Variants in INPP4B observed in about 807,000 individuals in gnomAD.
INPP4B encodes the protein inositol polyphosphate 4-phosphatase type II.
A neutral mutation model predicts 122.5 loss-of-function variants in INPP4B; 55 were observed. The observed-to-expected ratio is 0.45, with a 90% CI of 0.36 to 0.56. The LOEUF is 0.56. Among genes scored for constraint, INPP4B ranks in the 20% least tolerant of loss-of-function variants. The pLI is 0.00. For synonymous variants in INPP4B, 403 were observed against 388.7 expected (o/e 1.04, Z -0.43); for missense variants, 1,000 against 1,097.7 (o/e 0.91, Z 1.26).
At chr4:142,263,894 C>G (rs778458168) in intron 10 of INPP4B, among the ~76,000 whole-genome samples, 2 of 151,534 alleles carry the variant, frequency 1.3e-5, no homozygotes, top group Non-Finnish European at 2.9e-5. Context: ...GTGCAGGGGC[C>G]TTGAGTTGGC....
chr4:142,697,095 GT>G (rs1404255856), intron 2 of INPP4B, among the ~76,000 whole-genome samples: 9 of 152,242 alleles, frequency 5.9e-5, no homozygotes, highest in African/African-American at 1.9e-4. Flanking sequence ...TTATATACAT[GT>G]GATGTTGATG....
chr4:142,496,189 AT>A (rs370026113), intron 2 of INPP4B, among the ~76,000 whole-genome samples: 2 of 151,642 alleles, frequency 1.3e-5, no homozygotes, highest in South Asian at 2.1e-4. Context: ...CAAAGTATGT[AT>A]TTTTTTTCTT....
At chr4:142,696,512 G>A (rs1018380722) in intron 2 of INPP4B, among the ~76,000 whole-genome samples, 6 of 152,110 alleles carry the variant, frequency 3.9e-5, no homozygotes, top group Admixed American at 1.3e-4. Context: ...CCCCACCCCA[G>A]CCCTGACATC....
chr4:142,672,519 G>A (rs1017293677), intron 2 of INPP4B, among the ~76,000 whole-genome samples: 8 of 152,086 alleles, frequency 5.3e-5, no homozygotes, highest in Admixed American at 2.0e-4. Flanking sequence ...ATGATGTTGA[G>A]CATCTTTTCA....
At chr4:142,064,670 CT>C (rs1323065133) in intron 25 of INPP4B, among the ~76,000 whole-genome samples, 1 of 151,828 alleles carries the variant, frequency 6.6e-6, no homozygotes, top group Admixed American at 6.6e-5. Context: ...TCTAATATGT[CT>C]TTTTCTCACT....
At chr4:142,720,766 T>TATATATA (rs1560996446) in intron 2 of INPP4B, among the ~76,000 whole-genome samples, 4 of 12,108 alleles carry the variant, frequency 3.3e-4, no homozygotes, top group South Asian at 3.3e-3. Flanking sequence ...ATATAATCTC[T>TATATATA]CTCTCTCTCT....
chr4:142,623,744 G>T (rs1442059986), intron 2 of INPP4B, among the ~76,000 whole-genome samples: 4 of 123,900 alleles, frequency 3.2e-5, no homozygotes, highest in African/African-American at 1.2e-4. Flanking sequence ...ACAGTCCCCA[G>T]AGTGTGATGT....
intron 1 of INPP4B, among the ~76,000 whole-genome samples, chr4:142,836,631 T>G (rs1782810932): frequency 6.7e-6 from 1 of 150,012 alleles, no homozygotes; most frequent in South Asian, 2.1e-4. Flanking sequence ...AGGAAAAAAA[T>G]TATTAAAGAA....
intron 2 of INPP4B, among the ~76,000 whole-genome samples, chr4:142,720,501 T>A (rs1196285895): frequency 6.6e-6 from 1 of 151,916 alleles, no homozygotes; most frequent in Non-Finnish European, 1.5e-5. Flanking sequence ...GCATAGTCTT[T>A]GCACATAACC....
chr4:142,588,064 C>T lies in INPP4B; in HGVS notation c.-190-125338G>A, dbSNP rs192115593. Among the ~76,000 whole-genome samples, 21 of 151,722 alleles carry T rather than the reference C, an allele frequency of 1.4e-4. No individual in the cohort carries two copies. In the East Asian group the frequency reaches 3.1e-3, roughly 22 times the overall value. ...CCTGAACAGGCAAAAATAAGAAAAA[C>T]GATATGATTTTATCAAATACAGAAA... On this transcript the variant is annotated intron_variant, in intron 2 of 25. Coordinates refer to ENST00000262992, the MANE Select transcript of INPP4B (RefSeq NM_001101669.3).
intron 3 of INPP4B, among the ~76,000 whole-genome samples, chr4:142,458,711 C>T (rs567774628): frequency 1.4e-4 from 21 of 152,178 alleles, no homozygotes; most frequent in African/African-American, 4.3e-4. Flanking sequence ...CCAGTCGCCA[C>T]GACTTAATTG....
chr4:142,476,846 C>A (rs1819855132), intron 2 of INPP4B, among the ~76,000 whole-genome samples: 1 of 152,062 alleles, frequency 6.6e-6, no homozygotes, highest in Non-Finnish European at 1.5e-5. Flanking sequence ...GACAACCACA[C>A]AATAATAGTG....
At chr4:142,712,453 G>C (rs1395135602) in intron 2 of INPP4B, among the ~76,000 whole-genome samples, 1 of 152,174 alleles carries the variant, frequency 6.6e-6, no homozygotes, top group Non-Finnish European at 1.5e-5. Flanking sequence ...AATGTCCAAG[G>C]CATGCTGCCA....
chr4:142,737,155 TCAATCCTAAGC>T (rs1207480550), intron 1 of INPP4B, among the ~76,000 whole-genome samples: 1 of 152,068 alleles, frequency 6.6e-6, no homozygotes, highest in Non-Finnish European at 1.5e-5. Context: ...CATTGCCAAG[TCAATCCTAAGC>T]CAAAAGAACA....
chr4:142,763,107 G>C (rs978741607), intron 1 of INPP4B, among the ~76,000 whole-genome samples: 1 of 152,182 alleles, frequency 6.6e-6, no homozygotes, highest in African/African-American at 2.4e-5. Flanking sequence ...AAGGTATTCT[G>C]TTATAGCCAC....
At chr4:142,742,921 G>A (rs749127339) in intron 1 of INPP4B, among the ~76,000 whole-genome samples, 21 of 151,942 alleles carry the variant, frequency 1.4e-4, no homozygotes, top group Non-Finnish European at 2.9e-4. Context: ...GGAGACGAGA[G>A]AGACGAATTA....
chr4:142,563,555 C>T (rs1250740453), intron 2 of INPP4B, among the ~76,000 whole-genome samples: 1 of 152,068 alleles, frequency 6.6e-6, no homozygotes, highest in African/African-American at 2.4e-5. Context: ...TTACAATCAT[C>T]AATTCATATA....
chr4:142,730,645 G>A (rs1489049769), intron 1 of INPP4B, among the ~76,000 whole-genome samples: 2 of 152,182 alleles, frequency 1.3e-5, no homozygotes, highest in Non-Finnish European at 2.9e-5. Flanking sequence ...TCTACCTTGT[G>A]CAGCAATTAT....
chr4:142,059,440 T>G (rs1207238479), intron 25 of INPP4B, among the ~76,000 whole-genome samples: 1 of 152,110 alleles, frequency 6.6e-6, no homozygotes, highest in Non-Finnish European at 1.5e-5. Context: ...AGACTTAATC[T>G]ATCATCATGT....
Sources: allele counts gnomAD v4.1 joint callset (sites outside exome capture counted in the v4.1 genomes callset), GRCh38; gene constraint gnomAD v4.1.1; transcripts MANE v1.5; gene names NCBI Gene and HGNC (gene_info 2026-07-23, HGNC 2026-07-21).